Variants in ADAMTS9 observed in about 807,000 individuals in gnomAD.
ADAMTS9 encodes the protein A disintegrin and metalloproteinase with thrombospondin motifs 9.
Under a neutral mutation model 257.1 loss-of-function variants are expected in ADAMTS9, and 107 were observed. That is an observed-to-expected ratio of 0.42 (90% confidence interval 0.36 to 0.49). The LOEUF (loss-of-function observed/expected upper bound fraction) is 0.49, where lower values mean the gene tolerates loss of function less well. Ranked by LOEUF, ADAMTS9 falls within the 20% of genes least tolerant of loss-of-function variation. ADAMTS9 has a pLI of 0.03. For synonymous variants in ADAMTS9, 982 were observed against 880.9 expected (o/e 1.11, Z -2.03); for missense variants, 2,353 against 2,469.1 (o/e 0.95, Z 1.00).
intron 12 of ADAMTS9, among the ~76,000 whole-genome samples, chr3:64,639,228 A>T (rs1700574697): frequency 6.7e-6 from 1 of 149,588 alleles, no homozygotes; most frequent in Non-Finnish European, 1.5e-5. Flanking sequence ...GACATCCTAA[A>T]GTGCAAATAA....
intron 28 of ADAMTS9, among the ~76,000 whole-genome samples, chr3:64,579,190 G>A (rs1277324250): frequency 6.6e-6 from 1 of 152,014 alleles, no homozygotes; most frequent in African/African-American, 2.4e-5. Context: ...CACATCCTCT[G>A]TTCTAGCCAC....
At chr3:64,667,080 C>T (rs929772516) in intron 3 of ADAMTS9, among the ~76,000 whole-genome samples, 2 of 152,106 alleles carry the variant, frequency 1.3e-5, no homozygotes, top group South Asian at 4.2e-4. Context: ...GTGCTACATG[C>T]ACAGTGCTGA....
At chr3:64,612,928 T>C (rs1053984102) in intron 22 of ADAMTS9, among the ~76,000 whole-genome samples, 2 of 152,168 alleles carry the variant, frequency 1.3e-5, no homozygotes, top group African/African-American at 2.4e-5. Flanking sequence ...AGCTTTGTAA[T>C]TGTGACATTG....
chr3:64,556,866 C>G (rs1037686173), intron 30 of ADAMTS9, among the ~76,000 whole-genome samples: 1 of 151,926 alleles, frequency 6.6e-6, no homozygotes, highest in Non-Finnish European at 1.5e-5. Context: ...TATTTTGTTT[C>G]CTTCATTCAT....
chr3:64,615,842 A>G, intron 20 of ADAMTS9, 118 bp downstream of exon 20: 1 of 1,235,314 alleles, frequency 8.1e-7, no homozygotes, highest in East Asian at 2.3e-5. Context: ...CAGGCATTAC[A>G]AATCAATCAC....
intron 30 of ADAMTS9, among the ~76,000 whole-genome samples, chr3:64,554,972 T>G (rs189841823): frequency 3.1e-3 from 473 of 152,322 alleles, no homozygotes; most frequent in Non-Finnish European, 5.3e-3. Context: ...GCTTTACACT[T>G]TCAAATATAT....
At chr3:64,605,290 A>T (rs1391384289) in intron 23 of ADAMTS9, among the ~76,000 whole-genome samples, 1 of 152,170 alleles carries the variant, frequency 6.6e-6, no homozygotes, top group African/African-American at 2.4e-5. Flanking sequence ...TTGAATCTGA[A>T]AGGGAGCAGC....
chr3:64,594,551 G>T, intron 27 of ADAMTS9, 117 bp from the exon 28 acceptor site: 1 of 1,274,816 alleles, frequency 7.8e-7, no homozygotes, highest in Non-Finnish European at 1.1e-6. Context: ...GTAAGCCTCT[G>T]ACAGATGGAA....
intron 9 of ADAMTS9, 85 bp downstream of exon 9, chr3:64,650,932 A>G: frequency 1.6e-6 from 2 of 1,254,576 alleles, no homozygotes; most frequent in Non-Finnish European, 2.2e-6. Flanking sequence ...GGAATGTTTG[A>G]CTTCATATTG....
At chr3:64,538,731 C>G (rs1236289112) in intron 37 of ADAMTS9, among the ~76,000 whole-genome samples, 2 of 152,148 alleles carry the variant, frequency 1.3e-5, no homozygotes, top group Non-Finnish European at 2.9e-5. Context: ...TGCCTTCTTC[C>G]TAGCCCTCCA....
intron 30 of ADAMTS9, among the ~76,000 whole-genome samples, chr3:64,552,700 G>A (rs1472717334): frequency 1.3e-5 from 2 of 151,804 alleles, no homozygotes; most frequent in East Asian, 1.9e-4. Context: ...TGGGACTACA[G>A]GCATGAGCCA....
Position 64,633,770 on chromosome 3 carries a change from G to C in ADAMTS9, c.1966C>G (p.His656Asp), listed in dbSNP as rs1469351638. The C allele has an allele frequency of 6.2e-7, 1 of 1,613,462 alleles. No individual in the cohort carries two copies. Among genetic ancestry groups the C allele is most frequent in the Non-Finnish European group, 8.5e-7 (1 of 1,179,958 alleles). The change falls in exon 13 of 40, where the codon CAC (histidine) becomes GAC (aspartate). Residue 656 changes from histidine (H) to aspartate (D), a missense_variant. By Grantham distance (81) the His-to-Asp change is moderately conservative. Transcript: ENST00000498707. ...KRDFRDEQCA[H>D]FDGKHFNING... Reference sequence around the variant, plus strand: ...ATGTTAAAATGCTTCCCGTCAAAGTGAGCACACTGTTCATCTCGGAAGTCT... The same window carrying C: ...ATGTTAAAATGCTTCCCGTCAAAGTCAGCACACTGTTCATCTCGGAAGTCT...
At chr3:64,627,966 T>C (rs181124821) in intron 16 of ADAMTS9, among the ~76,000 whole-genome samples, 73 of 152,312 alleles carry the variant, frequency 4.8e-4, no homozygotes, top group Middle Eastern at 3.4e-3. Flanking sequence ...TATGCCAGAC[T>C]TGATGACAAC....
chr3:64,520,193 A>G (rs2082831627), intron 39 of ADAMTS9, among the ~76,000 whole-genome samples: 1 of 152,218 alleles, frequency 6.6e-6, no homozygotes, highest in African/African-American at 2.4e-5. Flanking sequence ...TCCAATTTAC[A>G]GTCACCACAA....
At chr3:64,649,087 C>G (rs1427138226) in intron 10 of ADAMTS9, among the ~76,000 whole-genome samples, 1 of 152,150 alleles carries the variant, frequency 6.6e-6, no homozygotes, top group African/African-American at 2.4e-5. Context: ...GATGTTATCA[C>G]TGGCCCAAAC....
intron 14 of ADAMTS9, among the ~76,000 whole-genome samples, chr3:64,633,206 A>G (rs528796361): frequency 6.6e-6 from 1 of 152,286 alleles, no homozygotes; most frequent in South Asian, 2.1e-4. Flanking sequence ...TGTTACAATA[A>G]ATTTTTAAGG....
chr3:64,623,304 G>A (rs943553703), intron 16 of ADAMTS9, among the ~76,000 whole-genome samples: 1 of 152,156 alleles, frequency 6.6e-6, no homozygotes, highest in Admixed American at 6.5e-5. Context: ...TTGGACCTCT[G>A]GTTCTGGAAG....
intron 28 of ADAMTS9, chr3:64,588,193 C>T (rs1304367848): frequency 6.6e-6 from 1 of 152,152 alleles, no homozygotes; most frequent in Non-Finnish European, 1.5e-5. Flanking sequence ...CATGAAGGTA[C>T]CTACCCTAAT....
chr3:64,561,761 C>T lies in ADAMTS9; in HGVS notation c.4525-10G>A, dbSNP rs2106648441. ...CACAGGACACAGAGCACTAAGAAGACAGAGAACGTAAGTGGGAGCTTCGGC... is the reference window on the plus strand; with the variant it reads ...CACAGGACACAGAGCACTAAGAAGATAGAGAACGTAAGTGGGAGCTTCGGC... On this transcript the variant is annotated splice_polypyrimidine_tract_variant and intron_variant, in intron 29 of 39. Coordinates refer to ENST00000498707, the MANE Select transcript of ADAMTS9 (RefSeq NM_182920.2). 2 of 1,556,290 alleles carry T rather than the reference C, an allele frequency of 1.3e-6. No homozygotes were observed. Among genetic ancestry groups the T allele is most frequent in the East Asian group, 4.7e-5 (2 of 42,468 alleles).
Sources: allele counts gnomAD v4.1 joint callset (sites outside exome capture counted in the v4.1 genomes callset), GRCh38; gene constraint gnomAD v4.1.1; transcripts MANE v1.5; gene names NCBI Gene and HGNC (gene_info 2026-07-23, HGNC 2026-07-21).